Variants in AGO3 observed in about 807,000 individuals in gnomAD.
AGO3 encodes argonaute RISC catalytic component 3, also known as protein argonaute-3.
Under a neutral mutation model 105.5 loss-of-function variants are expected in AGO3, and 16 were observed. The ratio of observed to expected loss-of-function variants is 0.15; its 90% CI spans 0.10 to 0.23. AGO3 has a LOEUF of 0.23. Ranked by LOEUF, AGO3 falls within the 10% of genes least tolerant of loss-of-function variation. The pLI is 1.00. For missense variants in AGO3, 534 were observed against 1,088.0 expected, an observed-to-expected ratio of 0.49 and a Z score of 7.16; for synonymous variants, 340 against 367.3, an observed-to-expected ratio of 0.93 and a Z score of 0.85.
At chr1:35,956,643 T>A (rs899673730) in intron 2 of AGO3, among the ~76,000 whole-genome samples, 1 of 151,586 alleles carries the variant, frequency 6.6e-6, no homozygotes, top group Admixed American at 6.6e-5. Context: ...TTTTGTTTTT[T>A]TTTTTTTTTC....
intron 5 of AGO3, among the ~76,000 whole-genome samples, chr1:35,986,868 C>T (rs1469540405): frequency 1.3e-5 from 2 of 151,560 alleles, no homozygotes; most frequent in East Asian, 3.9e-4. Context: ...TGATGGTGCA[C>T]ATCTGTAATC....
chr1:35,933,416 G>A (rs1029594328), intron 1 of AGO3, among the ~76,000 whole-genome samples: 4 of 152,004 alleles, frequency 2.6e-5, no homozygotes, highest in Admixed American at 2.0e-4. Context: ...GCTGAGGAAG[G>A]ATGATCGCTT....
At chr1:36,025,693 G>A (rs777587088) in intron 11 of AGO3, among the ~76,000 whole-genome samples, 3 of 152,102 alleles carry the variant, frequency 2.0e-5, no homozygotes, top group South Asian at 4.1e-4. Context: ...CCAGTGAAGC[G>A]ATTGTTGCTC....
At position 36,027,417 on chromosome 1, in the gene AGO3, A is replaced by C; in HGVS notation, c.1591+119A>C. ...TATATTTTATGATACAGTATTTAAAACCATGTATTATTACTTGAAGACAAA... is the reference window on the plus strand; with the variant it reads ...TATATTTTATGATACAGTATTTAAACCCATGTATTATTACTTGAAGACAAA... On this transcript the variant is annotated intron_variant, in intron 12 of 18. Coordinates refer to ENST00000373191, the MANE Select transcript of AGO3 (RefSeq NM_024852.4). This position sits in a 1 kb window ranked among gnomAD's most constrained non-coding sequence, Gnocchi z 4.0. 2.0e-6 allele frequency: 2 copies of C among 978,018 alleles called. No individual in the cohort carries two copies. The highest frequency in any genetic ancestry group is 5.4e-5 in the South Asian group (2 of 37,006). The allele number at this position is 978,018 out of a possible 1,614,324, so 60.6% of individuals were successfully genotyped here. A position where few individuals can be genotyped will look rare whatever the true frequency, so the allele number is the denominator to read the frequency against.
chr1:35,937,560 G>C (rs765196686), intron 1 of AGO3, among the ~76,000 whole-genome samples: 1 of 137,938 alleles, frequency 7.2e-6, no homozygotes, highest in Non-Finnish European at 1.5e-5. Flanking sequence ...GCATGGTGGC[G>C]TACACCTGTA....
chr1:35,956,429 A>G (rs1571428495), intron 2 of AGO3, among the ~76,000 whole-genome samples: 1 of 152,218 alleles, frequency 6.6e-6, no homozygotes, highest in Non-Finnish European at 1.5e-5. Flanking sequence ...AGATAAGTCA[A>G]AATGGAGATT....
intron 1 of AGO3, among the ~76,000 whole-genome samples, chr1:35,941,458 G>C (rs2148745267): frequency 6.6e-6 from 1 of 152,194 alleles, no homozygotes; most frequent in Middle Eastern, 3.4e-3. Context: ...TCAGAGGGCT[G>C]ACACTATCTA....
chr1:36,023,280 CAG>C (rs1160698163), intron 11 of AGO3, among the ~76,000 whole-genome samples: 1 of 152,220 alleles, frequency 6.6e-6, no homozygotes, highest in African/African-American at 2.4e-5. Context: ...GGAATGGACA[CAG>C]AGAGTCTGAC....
intron 17 of AGO3, among the ~76,000 whole-genome samples, chr1:36,051,117 A>C (rs1034872456): frequency 6.6e-6 from 1 of 152,020 alleles, no homozygotes; most frequent in Non-Finnish European, 1.5e-5. Flanking sequence ...ACCCAGCCTC[A>C]ATTATTTTTT....
chr1:36,046,076 A>G (rs1173407425), intron 17 of AGO3, among the ~76,000 whole-genome samples: 1 of 152,192 alleles, frequency 6.6e-6, no homozygotes, highest in East Asian at 1.9e-4. Flanking sequence ...AACACCTTGG[A>G]CACCTACACT....
chr1:35,971,587 G>A (rs1429448059), intron 3 of AGO3, among the ~76,000 whole-genome samples: 1 of 151,624 alleles, frequency 6.6e-6, no homozygotes. Flanking sequence ...TCCTTTGAAA[G>A]TAACTAGTTT....
intron 3 of AGO3, among the ~76,000 whole-genome samples, chr1:35,967,782 A>G (rs886240384): frequency 6.6e-6 from 1 of 152,194 alleles, no homozygotes; most frequent in Non-Finnish European, 1.5e-5. Context: ...TATCAAGTTC[A>G]TTAAATTTAA....
At chr1:36,028,265 AC>A (rs1451314810) in intron 12 of AGO3, among the ~76,000 whole-genome samples, 1 of 151,238 alleles carries the variant, frequency 6.6e-6, no homozygotes, top group Non-Finnish European at 1.5e-5. Flanking sequence ...TTTTTATTAT[AC>A]TTTAAGTTTT....
At chr1:35,947,311 C>T (rs946545084) in intron 2 of AGO3, among the ~76,000 whole-genome samples, 1 of 151,826 alleles carries the variant, frequency 6.6e-6, no homozygotes, top group Non-Finnish European at 1.5e-5. Context: ...ATAGATGACT[C>T]CTAATCTTGC....
At chr1:36,044,901 A>C (rs1415743176) in intron 17 of AGO3, among the ~76,000 whole-genome samples, 2 of 152,222 alleles carry the variant, frequency 1.3e-5, no homozygotes, top group East Asian at 3.8e-4. Flanking sequence ...GATGTCTGAG[A>C]GTCTATAACC....
intron 1 of AGO3, among the ~76,000 whole-genome samples, chr1:35,940,604 A>G (rs1646236300): frequency 6.6e-6 from 1 of 152,122 alleles, no homozygotes; most frequent in South Asian, 2.1e-4. Flanking sequence ...CAAGGGCTTG[A>G]TCAAATTCAG....
At chr1:35,933,971 C>T (rs999509890) in intron 1 of AGO3, among the ~76,000 whole-genome samples, 1 of 151,966 alleles carries the variant, frequency 6.6e-6, no homozygotes, top group Admixed American at 6.6e-5. Context: ...GTGCAATCTA[C>T]TGATTTAGTA....
At chr1:36,042,803 T>C (rs1642305262) in intron 16 of AGO3, among the ~76,000 whole-genome samples, 1 of 152,184 alleles carries the variant, frequency 6.6e-6, no homozygotes, top group African/African-American at 2.4e-5. Flanking sequence ...TTGAAACTGA[T>C]AGTATGAAAT....
Position 36,014,663 on chromosome 1 carries a change from C to G in AGO3, c.1406+615C>G, listed in dbSNP as rs995951428. 2.7e-5 allele frequency among the ~76,000 whole-genome samples: 4 copies of G among 148,532 alleles called. No homozygotes were observed. In the Admixed American group the frequency reaches 2.7e-4, roughly 10 times the overall value. On this transcript the variant is annotated intron_variant, in intron 11 of 18. Transcript: ENST00000373191. ...GTGGGCGCCTGTAGTCTCAGTTACT[C>G]GGGAGGCTGAAGCAAGAGAATGGCA... is the stretch of plus-strand genomic sequence containing the variant.
Sources: gnomAD v4.1 joint callset for allele counts (sites outside exome capture counted in the v4.1 genomes callset) on GRCh38, gnomAD v4.1.1 for gene constraint, Gnocchi (gnomAD v3.1) non-coding constraint, MANE v1.5 for transcripts, NCBI Gene and HGNC (gene_info 2026-07-23, HGNC 2026-07-21) for gene names.